CD302: variants seen among roughly 807,000 people sequenced by gnomAD.
CD302 encodes CD302 antigen.
CD302 carries 23 observed loss-of-function variants against 26.5 expected under a neutral mutation model. That is an observed-to-expected ratio of 0.87 (90% confidence interval 0.62 to 1.23). The LOEUF is 1.23. Ranked by LOEUF, CD302 falls within the 50% of genes most tolerant of loss-of-function variation. The pLI, the probability that CD302 is intolerant of heterozygous loss-of-function variation, is 0.00. For synonymous variants in CD302, 90 were observed against 99.4 expected (o/e 0.91, Z 0.56); for missense variants, 290 against 275.5 (o/e 1.05, Z -0.37).
chr2:159,789,949 C>T (rs949949568), intron 1 of CD302, among the ~76,000 whole-genome samples: 20 of 150,866 alleles, frequency 1.3e-4, no homozygotes, highest in African/African-American at 4.2e-4. Context: ...CCAGCAAATA[C>T]GATTCTTATG....
At chr2:159,781,791 CTT>C (rs1013525530) in intron 2 of CD302, among the ~76,000 whole-genome samples, 4 of 152,054 alleles carry the variant, frequency 2.6e-5, no homozygotes, top group African/African-American at 9.7e-5. Flanking sequence ...TCATGTAAGA[CTT>C]TTTCAAAGGG....
chr2:159,786,327 TTTTTC>T (rs1440393993), intron 1 of CD302, among the ~76,000 whole-genome samples: 1 of 116,396 alleles, frequency 8.6e-6, no homozygotes, highest in Admixed American at 1.2e-4. Context: ...GCATGTTGTC[TTTTTC>T]TTTTTTTTTT....
Position 159,781,217 on chromosome 2 carries a change from C to T in CD302, c.179-219G>A, listed in dbSNP as rs187971203. 4.4e-3 allele frequency among the ~76,000 whole-genome samples: 669 copies of T among 152,100 alleles called. 2 individuals carry two copies. The highest frequency in any genetic ancestry group is 6.8e-3 in the Middle Eastern group (2 of 294). ...TATGTCATTGAAATTATGTTTATGTCTCAGTATACTTTACATAATTTTTTT... is the reference window on the plus strand; with the variant it reads ...TATGTCATTGAAATTATGTTTATGTTTCAGTATACTTTACATAATTTTTTT... On this transcript the variant is annotated intron_variant, in intron 2 of 5. Coordinates refer to ENST00000259053, the MANE Select transcript of CD302 (RefSeq NM_014880.5).
intron 1 of CD302, among the ~76,000 whole-genome samples, chr2:159,787,104 G>T (rs1708687051): frequency 6.6e-6 from 1 of 152,182 alleles, no homozygotes; most frequent in Non-Finnish European, 1.5e-5. Flanking sequence ...TGTGGCCATT[G>T]TAATGCTGCT....
Position 159,770,956 on chromosome 2 carries a change from T to G in CD302, c.*895A>C, listed in dbSNP as rs1475386230. On this transcript the variant is annotated 3_prime_UTR_variant, in exon 6 of 6. Coordinates refer to ENST00000259053, the MANE Select transcript of CD302 (RefSeq NM_014880.5). ...TACTCGTTTCAGCTTTTTCATTTTT[T>G]TACTCCCCAAATGATTTTCACCTTT... The G allele has an allele frequency of 6.6e-6, 1 of 152,204 alleles. No homozygotes were observed. The highest frequency in any genetic ancestry group is 1.5e-5 in the Non-Finnish European group (1 of 68,018). The allele number at this position is 152,204 out of a possible 1,614,324, so 9.4% of individuals were successfully genotyped here.
rs374570207 is a variant in CD302 at position 159,769,726 on chromosome 2, G to GT, written c.*2124dup. On this transcript the variant is annotated 3_prime_UTR_variant, in exon 6 of 6. Transcript: ENST00000259053. Reference sequence around the variant, plus strand: ...ACCAAATATTGAAAATTAAATCAGAGTTTAAAGCAGCTATTTTGGAAGAGC... The same window carrying GT: ...ACCAAATATTGAAAATTAAATCAGAGTTTTAAAGCAGCTATTTTGGAAGAGC... 66 of 152,258 alleles carry GT rather than the reference G, an allele frequency of 4.3e-4. No individual in the cohort carries two copies. The highest frequency in any genetic ancestry group is 1.4e-3 in the African/African-American group (60 of 41,538). 9.4% of individuals were successfully genotyped at this position (152,258 alleles called of 1,614,324 possible).
At chr2:159,774,691 C>G (rs1211159028) in intron 5 of CD302, among the ~76,000 whole-genome samples, 1 of 152,194 alleles carries the variant, frequency 6.6e-6, no homozygotes, top group Non-Finnish European at 1.5e-5. Flanking sequence ...TGCATCCTCT[C>G]CAGTAACCTT....
intron 3 of CD302, 98 bp from the exon 4 acceptor site, chr2:159,780,276 T>C: frequency 3.0e-6 from 4 of 1,325,628 alleles, no homozygotes; most frequent in Non-Finnish European, 4.1e-6. Context: ...CTAAGGTATG[T>C]CTGGTCTAAA....
At position 159,779,925 on chromosome 2, in the gene CD302, CTT is replaced by C. The variant is rs1469213763; in HGVS notation, c.469+78_469+79del. ...GCCTTATTCTATTTATTGAGGCACA[CTT>C]ATCTCAAAATTATTTTAAAACCAGT... On this transcript the variant is annotated intron_variant, in intron 4 of 5. Transcript: ENST00000259053. 6 of 1,503,486 alleles carry C rather than the reference CTT, an allele frequency of 4.0e-6. 1 individual carries two copies. The highest frequency in any genetic ancestry group is 5.4e-6 in the Non-Finnish European group (6 of 1,116,456). 93.1% of individuals were successfully genotyped at this position (1,503,486 alleles called of 1,614,324 possible). A position where few individuals can be genotyped will look rare whatever the true frequency, so the allele number is the denominator to read the frequency against.
Position 159,771,812 on chromosome 2 carries a change from G to GGCATTTT in CD302, c.*32_*38dup. On this transcript the variant is annotated 3_prime_UTR_variant, in exon 6 of 6. Coordinates refer to ENST00000259053, the MANE Select transcript of CD302 (RefSeq NM_014880.5). ...ATCTTTCCCAAGTTATCTCTGCCAG[G>GGCATTTT]GCATTTTGTTGATGTCTTAGTGCAA... 4 of 1,600,990 alleles carry GGCATTTT rather than the reference G, an allele frequency of 2.5e-6. No individual in the cohort carries two copies. The East Asian group carries it at 8.9e-5, about 36-fold the overall frequency.
chr2:159,789,608 G>A (rs2125811870), intron 1 of CD302, among the ~76,000 whole-genome samples: 1 of 151,066 alleles, frequency 6.6e-6, no homozygotes, highest in East Asian at 2.0e-4. Context: ...GCCAAACACT[G>A]TGTATGAAAA....
intron 1 of CD302, among the ~76,000 whole-genome samples, chr2:159,791,619 C>T (rs1037418951): frequency 6.6e-5 from 10 of 152,204 alleles, no homozygotes; most frequent in Non-Finnish European, 1.2e-4. Context: ...TAATAACTAT[C>T]CTTCTGTCTT....
At chr2:159,779,861 C>T (rs929324374) in intron 4 of CD302, 144 bp downstream of exon 4, 3 of 965,996 alleles carry the variant, frequency 3.1e-6, no homozygotes, top group Non-Finnish European at 4.4e-6. Flanking sequence ...CCTCAGTTTA[C>T]CATAATGCTG....
Position 159,780,221 on chromosome 2 carries a change from A to T in CD302, c.296-43T>A. ...TTTTCAACATTATGACAGTTTTAAA[A>T]GGAGTTCAAGCCAAAAAGGGTGTAG... On this transcript the variant is annotated intron_variant, in intron 3 of 5. Coordinates refer to ENST00000259053, the MANE Select transcript of CD302 (RefSeq NM_014880.5). The T allele has an allele frequency of 1.9e-6, 3 of 1,599,690 alleles. No individual in the cohort carries two copies. In the South Asian group the frequency reaches 3.4e-5, roughly 18 times the overall value.
chr2:159,773,949 CTT>C (rs1277941380), intron 5 of CD302, among the ~76,000 whole-genome samples: 7 of 152,076 alleles, frequency 4.6e-5, no homozygotes, highest in African/African-American at 1.7e-4. Context: ...AACAAGCTCA[CTT>C]TTTCATTTCT....
At chr2:159,778,946 T>C (rs1209148283) in intron 4 of CD302, among the ~76,000 whole-genome samples, 1 of 152,068 alleles carries the variant, frequency 6.6e-6, no homozygotes, top group East Asian at 1.9e-4. Flanking sequence ...TAAAAAACCT[T>C]CTGGGCCGGG....
chr2:159,784,340 G>A (rs1437745442), intron 1 of CD302, among the ~76,000 whole-genome samples: 3 of 116,834 alleles, frequency 2.6e-5, no homozygotes, highest in African/African-American at 6.2e-5. Flanking sequence ...TATGTTTTAA[G>A]TTCTGCTTTT....
intron 2 of CD302, among the ~76,000 whole-genome samples, chr2:159,783,119 A>T (rs1003677053): frequency 6.6e-6 from 1 of 152,260 alleles, no homozygotes; most frequent in South Asian, 2.1e-4. Flanking sequence ...CTGGCACAGG[A>T]TATGCATGTT....
intron 5 of CD302, among the ~76,000 whole-genome samples, chr2:159,776,697 ATTTTTTT>A (rs753454427): frequency 2.4e-4 from 28 of 114,624 alleles, no homozygotes; most frequent in African/African-American, 9.3e-4. Flanking sequence ...CTCACATCCA[ATTTTTTT>A]TTTTTTTTTT....
Sources: gnomAD v4.1 joint callset for allele counts (sites outside exome capture counted in the v4.1 genomes callset) on GRCh38, gnomAD v4.1.1 for gene constraint, MANE v1.5 for transcripts, NCBI Gene and HGNC (gene_info 2026-07-23, HGNC 2026-07-21) for gene names.